Variants in RNF213 observed in about 807,000 individuals in gnomAD.
The protein encoded by RNF213 is ring finger protein 213, also known as E3 ubiquitin-protein ligase RNF213.
Under a neutral mutation model 514.4 loss-of-function variants are expected in RNF213, and 341 were observed. The observed-to-expected ratio is 0.66, with a 90% CI of 0.61 to 0.73. The LOEUF is 0.73. Among genes scored for constraint, RNF213 ranks in the 30% least tolerant of loss-of-function variants. The pLI, the probability that RNF213 is intolerant of heterozygous loss-of-function variation, is 0.00. For synonymous variants in RNF213, 2,655 were observed against 2,658.2 expected (o/e 1.00, Z 0.04); for missense variants, 5,767 against 6,615.6 (o/e 0.87, Z 4.45).
chr17:80,322,159 C>CG (rs2046159997), intron 17 of RNF213, among the ~76,000 whole-genome samples: 2 of 99,950 alleles, frequency 2.0e-5, no homozygotes, highest in African/African-American at 8.0e-5. Flanking sequence ...CCCCACCCCC[C>CG]CTTTTTTTTT....
chr17:80,385,239 G>C, intron 60 of RNF213, 68 bp downstream of exon 60: 2 of 1,595,030 alleles, frequency 1.3e-6, no homozygotes. Flanking sequence ...CACTGCATAG[G>C]GGAACAGGGT....
At chr17:80,337,782 T>C in intron 24 of RNF213, 51 bp from the exon 25 acceptor site, 2 of 1,536,762 alleles carry the variant, frequency 1.3e-6, no homozygotes, top group Non-Finnish European at 8.7e-7. Flanking sequence ...CTGCTGCCAG[T>C]CCAGGTCTTC....
chr17:80,379,042 G>GGTGCATGC (rs111829552), intron 54 of RNF213, among the ~76,000 whole-genome samples: 8,027 of 152,000 alleles, frequency 0.053, 231 homozygotes, highest in Middle Eastern at 0.061. Flanking sequence ...AGGGCATGGT[G>GGTGCATGC]GTGCATGCGT....
intron 15 of RNF213, chr17:80,315,572 A>G (rs1290049506): frequency 9.6e-4 from 1 of 1,038 alleles, no homozygotes; most frequent in African/African-American, 5.4e-3. Flanking sequence ...TGGTGGAGGT[A>G]ATGGAGGTGA....
At chr17:80,308,520 C>T (rs1157686073) in intron 13 of RNF213, among the ~76,000 whole-genome samples, 1 of 151,306 alleles carries the variant, frequency 6.6e-6, no homozygotes, top group African/African-American at 2.4e-5. Flanking sequence ...AGGCTCCTCC[C>T]GAGTCCCTAC....
At position 80,393,918 on chromosome 17, in the gene RNF213, CTTCT is replaced by C. The variant is rs1289251159; in HGVS notation, c.*426_*429del. On this transcript the variant is annotated 3_prime_UTR_variant, in exon 68 of 68. Transcript: ENST00000582970. ...TACTCACAAAAGAGAATCTCATTTT[CTTCT>C]TTCTTCCATTCCCTTAAATTCTGAG... 1 of 203,672 alleles carries C rather than the reference CTTCT, an allele frequency of 4.9e-6. No homozygotes were observed. Among genetic ancestry groups the C allele is most frequent in the Non-Finnish European group, 1.0e-5 (1 of 98,392 alleles). The allele number at this position is 203,672 out of a possible 1,614,324, so 12.6% of individuals were successfully genotyped here. A position where few individuals can be genotyped will look rare whatever the true frequency, so the allele number is the denominator to read the frequency against.
chr17:80,339,507 A>G lies in RNF213; in HGVS notation c.5140A>G (p.Thr1714Ala), dbSNP rs1300502456. ...GGCAGAGCAGCTGGTTTACCTGAGC[A>G]CTGAGCTCAGGAAGCAGCCCCCGAG... ...YTAEQLVYLSTELRKQPPSDA... is the reference protein window; with the variant it reads ...YTAEQLVYLSAELRKQPPSDA... The change falls in exon 26 of 68, where the codon ACT (threonine) becomes GCT (alanine). Residue 1714 changes from threonine (T) to alanine (A), a missense_variant. Thr to Ala is a moderately conservative substitution (Grantham distance 58). This residue lies in a region of RNF213 where 1,377 missense variants were observed against 1,635.2 expected (regional missense o/e 0.84). Transcript: ENST00000582970. 2.6e-6 allele frequency: 4 copies of G among 1,536,986 alleles called. No individual in the cohort carries two copies. The highest frequency in any genetic ancestry group is 1.7e-4 in the Middle Eastern group (1 of 6,012).
chr17:80,323,286 T>C (rs2046194934), intron 17 of RNF213, among the ~76,000 whole-genome samples: 1 of 152,250 alleles, frequency 6.6e-6, no homozygotes, highest in South Asian at 2.1e-4. Context: ...TGGACTACCA[T>C]TGCTTTCTAG....
In RNF213 at chr17:80,386,687, CA is replaced by C. The variant is rs749877909; in HGVS notation, c.14721-2del. On this transcript the variant is annotated splice_acceptor_variant, in intron 62 of 67. Transcript: ENST00000582970. LOFTEE classifies it high-confidence loss of function. ...CGCTGAGCGCTGTCTTTCTGCCCCT[CA>C]GCTATTCCGTGGATGCCGCCGAGGT... 1 of 1,614,204 alleles carries C rather than the reference CA, an allele frequency of 6.2e-7. No homozygotes were observed. The highest frequency in any genetic ancestry group is 1.1e-5 in the South Asian group (1 of 91,086).
chr17:80,373,016 C>G lies in RNF213; in HGVS notation c.12793C>G (p.Gln4265Glu), dbSNP rs1181000026. The change falls in exon 49 of 68, where the codon CAG becomes GAG. Residue 4265 changes from glutamine (Q) to glutamate (E), a missense_variant. Gln to Glu is a conservative substitution (Grantham distance 29). Coordinates refer to ENST00000582970, the MANE Select transcript of RNF213 (RefSeq NM_001256071.3). ...GCAGTGCTACCTGCAGCAAGTCAAGCAGTTCTGTATCCGGGTGGAGAACGA... is the reference window on the plus strand; with the variant it reads ...GCAGTGCTACCTGCAGCAAGTCAAGGAGTTCTGTATCCGGGTGGAGAACGA... Reference protein sequence around the residue: ...EKQCYLQQVKQFCIRVENDWH... With the variant: ...EKQCYLQQVKEFCIRVENDWH... 1 of 1,614,046 alleles carries G rather than the reference C, an allele frequency of 6.2e-7. No homozygotes were observed. Among genetic ancestry groups the G allele is most frequent in the Admixed American group, 1.7e-5 (1 of 60,012 alleles).
chr17:80,279,458 T>G (rs2044181499), intron 3 of RNF213, among the ~76,000 whole-genome samples: 1 of 151,666 alleles, frequency 6.6e-6, no homozygotes, highest in Non-Finnish European at 1.5e-5. Context: ...TCTTTTTCTT[T>G]TCTTTCTTTC....
chr17:80,374,197 G>T (rs12945030), intron 49 of RNF213, among the ~76,000 whole-genome samples: 2 of 152,168 alleles, frequency 1.3e-5, no homozygotes, highest in African/African-American at 4.8e-5. Flanking sequence ...GCGGTGCGCC[G>T]CAAACGGAGG....
intron 14 of RNF213, among the ~76,000 whole-genome samples, chr17:80,311,484 C>A (rs2045571138): frequency 6.6e-6 from 1 of 152,196 alleles, no homozygotes; most frequent in Non-Finnish European, 1.5e-5. Context: ...TTTCTGTCGG[C>A]CCCCGCCCCC....
chr17:80,271,604 C>T (rs1207829050), intron 2 of RNF213, among the ~76,000 whole-genome samples: 1 of 152,206 alleles, frequency 6.6e-6, no homozygotes, highest in Non-Finnish European at 1.5e-5. Flanking sequence ...GTCGTCCAGA[C>T]CCAGGATTGA....
Position 80,343,743 on chromosome 17 carries a change from G to T in RNF213, c.6184-114G>T. ...ATGGGCCGTTGTTGGCTGAAATGTT[G>T]ATGTTGATCATCAGGATCATCGTGA... On this transcript the variant is annotated intron_variant, in intron 27 of 67. Coordinates refer to ENST00000582970, the MANE Select transcript of RNF213 (RefSeq NM_001256071.3). The surrounding 1 kb of genome is among the most constrained non-coding windows in gnomAD (Gnocchi z 4.3). 2 of 1,082,152 alleles carry T rather than the reference G, an allele frequency of 1.8e-6. No individual in the cohort carries two copies. Among genetic ancestry groups the T allele is most frequent in the African/African-American group, 1.5e-5 (1 of 64,610 alleles). The allele number at this position is 1,082,152 out of a possible 1,614,324, so 67.0% of individuals were successfully genotyped here.
At chr17:80,323,997 A>G (rs1228614785) in intron 17 of RNF213, among the ~76,000 whole-genome samples, 1 of 151,896 alleles carries the variant, frequency 6.6e-6, no homozygotes, top group Non-Finnish European at 1.5e-5. Context: ...GTGTGTGTGC[A>G]TGAGAGAGAG....
At chr17:80,334,636 T>C (rs997072855) in intron 22 of RNF213, among the ~76,000 whole-genome samples, 10 of 151,634 alleles carry the variant, frequency 6.6e-5, no homozygotes, top group African/African-American at 2.2e-4. Flanking sequence ...TTTGTTTGTT[T>C]GTTTTTTTGA....
In RNF213 at chr17:80,332,175, C is replaced by T; in HGVS notation, c.3687C>T (p.Asp1229=). The change falls in exon 21 of 68, where the codon GAC becomes GAT. Residue 1229 remains aspartate (D), a synonymous_variant. Transcript: ENST00000582970. ...EMAGKIDLLR[D]SHIFQLFWRE... ...CTGGGAAGATAGACTTGCTCAGAGA[C>T]AGCCACATCTTCCAGCTCTTCTGGC... is the stretch of plus-strand genomic sequence containing the variant. The T allele has an allele frequency of 2.6e-6, 4 of 1,537,198 alleles. No homozygotes were observed. The highest frequency in any genetic ancestry group is 3.5e-6 in the Non-Finnish European group (4 of 1,146,922).
intron 17 of RNF213, chr17:80,319,831 C>G: frequency 8.3e-7 from 1 of 1,205,334 alleles, no homozygotes; most frequent in Non-Finnish European, 1.0e-6. Context: ...AGGAAGCTCC[C>G]TGCTGGCCAC....
Sources: gnomAD v4.1 joint callset for allele counts (sites outside exome capture counted in the v4.1 genomes callset) on GRCh38, gnomAD v4.1.1 for gene constraint, gnomAD v4.1.1 regional missense constraint, Gnocchi (gnomAD v3.1) non-coding constraint, MANE v1.5 for transcripts, NCBI Gene and HGNC (gene_info 2026-07-23, HGNC 2026-07-21) for gene names.